Variants in EXOC2 observed in about 807,000 individuals in gnomAD.
EXOC2 encodes the protein SEC5-like 1.
In EXOC2, 70 loss-of-function variants were observed where a neutral mutation model predicts 131.8. The observed-to-expected ratio is 0.53, with a 90% CI of 0.44 to 0.65. EXOC2 has a LOEUF of 0.65. Ranked by LOEUF, EXOC2 falls within the 30% of genes least tolerant of loss-of-function variation. The probability of loss-of-function intolerance (pLI) is 0.00; values close to 1 mark genes in which losing one functional copy is unlikely to be tolerated. For synonymous variants in EXOC2, 411 were observed against 398.4 expected, an observed-to-expected ratio of 1.03 and a Z score of -0.38; for missense variants, 923 against 1,108.6, an observed-to-expected ratio of 0.83 and a Z score of 2.38.
chr6:544,402 A>G (rs1756719378), intron 22 of EXOC2, among the ~76,000 whole-genome samples: 1 of 152,192 alleles, frequency 6.6e-6, no homozygotes, highest in Admixed American at 6.5e-5. Context: ...AGGCAGCCAA[A>G]TAGGGTCAAA....
At chr6:487,806 T>C (rs1763164772) in intron 27 of EXOC2, among the ~76,000 whole-genome samples, 1 of 152,204 alleles carries the variant, frequency 6.6e-6, no homozygotes, top group African/African-American at 2.4e-5. Flanking sequence ...CAAGAGATTA[T>C]TTCACGGTTT....
At chr6:641,271 AGTCTGGGGTAT>A (rs1384732435) in intron 1 of EXOC2, among the ~76,000 whole-genome samples, 2 of 151,954 alleles carry the variant, frequency 1.3e-5, no homozygotes, top group Admixed American at 1.3e-4. Context: ...GAGTGGAATG[AGTCTGGGGTAT>A]GTTGTATAAT....
At chr6:632,644 A>G (rs193198065) in intron 3 of EXOC2, among the ~76,000 whole-genome samples, 3 of 152,364 alleles carry the variant, frequency 2.0e-5, no homozygotes, top group South Asian at 2.1e-4. Flanking sequence ...CATTATATTC[A>G]AGATCAAGGA....
At chr6:665,436 T>A (rs1763598155) in intron 1 of EXOC2, among the ~76,000 whole-genome samples, 1 of 152,222 alleles carries the variant, frequency 6.6e-6, no homozygotes, top group Non-Finnish European at 1.5e-5. Context: ...CTACTGGGTA[T>A]CTACCCAGAA....
intron 23 of EXOC2, among the ~76,000 whole-genome samples, chr6:512,510 T>A (rs917819388): frequency 3.4e-4 from 52 of 152,372 alleles, no homozygotes; most frequent in African/African-American, 1.1e-3. Context: ...ACAGACTGTT[T>A]ATGTTATTAA....
In EXOC2 at chr6:564,397, G is replaced by A. The variant is rs1757858231; in HGVS notation, c.1667+148C>T. On this transcript the variant is annotated intron_variant, in intron 15 of 27. Transcript: ENST00000230449. Reference sequence around the variant, plus strand: ...AAAACCAGGAACAGTGAGGAGCTTAGCTGTCAGATGATGAACAGGAAACAG... The same window carrying A: ...AAAACCAGGAACAGTGAGGAGCTTAACTGTCAGATGATGAACAGGAAACAG... The A allele has an allele frequency of 5.8e-6, 7 of 1,207,312 alleles. No individual in the cohort carries two copies. The East Asian group carries it at 1.6e-4, about 28-fold the overall frequency. The allele number at this position is 1,207,312 out of a possible 1,614,324, so 74.8% of individuals were successfully genotyped here.
At chr6:604,602 G>A (rs1354383409) in intron 7 of EXOC2, among the ~76,000 whole-genome samples, 2 of 152,072 alleles carry the variant, frequency 1.3e-5, no homozygotes, top group Admixed American at 6.5e-5. Context: ...CAGCCAGTTC[G>A]TCAGGGGCAG....
chr6:529,706 C>A (rs1765962207), intron 23 of EXOC2, among the ~76,000 whole-genome samples: 1 of 152,106 alleles, frequency 6.6e-6, no homozygotes, highest in Non-Finnish European at 1.5e-5. Flanking sequence ...AAGATATGAA[C>A]TTTGACAAAA....
intron 1 of EXOC2, among the ~76,000 whole-genome samples, chr6:648,716 CTTTTTTTTTT>C (rs60202015): frequency 1.1e-5 from 1 of 88,536 alleles, no homozygotes; most frequent in South Asian, 4.1e-4. Context: ...TTTAAAAACT[CTTTTTTTTTT>C]TTTTTTTTTT....
chr6:554,027 T>C (rs1581426064), intron 20 of EXOC2, 107 bp from the exon 21 acceptor site: 3 of 887,544 alleles, frequency 3.4e-6, no homozygotes, highest in African/African-American at 1.9e-5. Flanking sequence ...TGGAAAACAT[T>C]TGGTGAAAGT....
At position 651,187 on chromosome 6, in the gene EXOC2, T is replaced by G. The variant is rs555775764; in HGVS notation, c.-43-13326A>C. Among the ~76,000 whole-genome samples the G allele has an allele frequency of 1.8e-4, 28 of 151,826 alleles. No individual in the cohort carries two copies. In the East Asian group the frequency reaches 3.9e-3, roughly 21 times the overall value. Reference sequence around the variant, plus strand: ...CTGAGACTACAGGCGCCCGCCACCATGCCCAGCTAATTTTTTTTTGTATTT... The same window carrying G: ...CTGAGACTACAGGCGCCCGCCACCAGGCCCAGCTAATTTTTTTTTGTATTT... On this transcript the variant is annotated intron_variant, in intron 1 of 27. Transcript: ENST00000230449.
chr6:595,482 T>C (rs1759759919), intron 10 of EXOC2, among the ~76,000 whole-genome samples: 1 of 152,082 alleles, frequency 6.6e-6, no homozygotes, highest in African/African-American at 2.4e-5. Flanking sequence ...ATTGTTGACT[T>C]GTTTATATTT....
In EXOC2 at chr6:557,489, G is replaced by A. The variant is rs532159933; in HGVS notation, c.1852-925C>T. 2.6e-5 allele frequency among the ~76,000 whole-genome samples: 4 copies of A among 151,844 alleles called. No individual in the cohort carries two copies. In the East Asian group the frequency reaches 5.8e-4, roughly 22 times the overall value. On this transcript the variant is annotated intron_variant, in intron 17 of 27. Transcript: ENST00000230449. ...AAAAATTAGCCAGGCGTGGTGGCAC[G>A]CGCCTGTAGTCCCAGCTACTCGGGA...
At chr6:648,348 G>A (rs983019751) in intron 1 of EXOC2, among the ~76,000 whole-genome samples, 3 of 152,168 alleles carry the variant, frequency 2.0e-5, no homozygotes, top group African/African-American at 7.2e-5. Flanking sequence ...TCTCAGGAAA[G>A]AGTCTAAGGC....
At chr6:532,719 T>G in intron 22 of EXOC2, 109 bp from the exon 23 acceptor site, 1 of 1,104,820 alleles carries the variant, frequency 9.1e-7, no homozygotes, top group Admixed American at 3.0e-5. Context: ...CTTCTCAATT[T>G]TCCTACAAAA....
At chr6:510,202 C>A (rs994281722) in intron 23 of EXOC2, among the ~76,000 whole-genome samples, 9 of 152,160 alleles carry the variant, frequency 5.9e-5, no homozygotes, top group Admixed American at 2.0e-4. Flanking sequence ...GTTGGACTAA[C>A]TAAAGAGTTT....
chr6:644,096 GGAA>G (rs1162818880), intron 1 of EXOC2, among the ~76,000 whole-genome samples: 1 of 152,004 alleles, frequency 6.6e-6, no homozygotes, highest in Non-Finnish European at 1.5e-5. Context: ...AAACATTTAA[GGAA>G]GAAGAAATAT....
At chr6:637,649 G>A (rs1480096435) in intron 2 of EXOC2, 52 bp downstream of exon 2, 2 of 1,384,224 alleles carry the variant, frequency 1.4e-6, no homozygotes, top group Admixed American at 2.1e-5. Flanking sequence ...TGTCTCCCTT[G>A]TCCACATAAA....
intron 13 of EXOC2, among the ~76,000 whole-genome samples, chr6:571,528 T>C (rs928068052): frequency 6.6e-6 from 1 of 152,216 alleles, no homozygotes; most frequent in African/African-American, 2.4e-5. Flanking sequence ...TTTATGGTCA[T>C]GGCCAAATGA....
Sources: gnomAD v4.1 joint callset for allele counts (sites outside exome capture counted in the v4.1 genomes callset) on GRCh38, gnomAD v4.1.1 for gene constraint, MANE v1.5 for transcripts, NCBI Gene and HGNC (gene_info 2026-07-23, HGNC 2026-07-21) for gene names.